The following ETV5 variants were observed in gnomAD, a reference collection of about 807,000 sequenced individuals.
ETV5 encodes the protein ETS variant transcription factor 5, also known as ETS translocation variant 5.
ETV5 carries 10 observed loss-of-function variants against 70.0 expected under a neutral mutation model. The ratio of observed to expected loss-of-function variants is 0.14; its 90% CI spans 0.09 to 0.24. The LOEUF (loss-of-function observed/expected upper bound fraction) is 0.24, where lower values mean the gene tolerates loss of function less well. ETV5 is among the 10% of genes least tolerant of loss of function. The pLI is 1.00. For synonymous variants in ETV5, 216 were observed against 242.2 expected (o/e 0.89, Z 1.01); for missense variants, 453 against 651.2 (o/e 0.70, Z 3.31).
chr3:186,101,400 G>A (rs542750616), intron 5 of ETV5, among the ~76,000 whole-genome samples: 1 of 152,214 alleles, frequency 6.6e-6, no homozygotes, highest in African/African-American at 2.4e-5. Flanking sequence ...AGATCCTCCC[G>A]ACTTGGCCTC....
chr3:186,060,896 C>G (rs1713287326), intron 9 of ETV5, among the ~76,000 whole-genome samples: 1 of 152,218 alleles, frequency 6.6e-6, no homozygotes, highest in African/African-American at 2.4e-5. Context: ...CCCACTCCCT[C>G]CTAGTTTGCC....
intron 5 of ETV5, among the ~76,000 whole-genome samples, chr3:186,086,034 C>T (rs1218255464): frequency 6.6e-6 from 1 of 152,182 alleles, no homozygotes; most frequent in Non-Finnish European, 1.5e-5. Context: ...CCTGCAATTG[C>T]TTCTGGACAA....
chr3:186,072,962 C>A (rs1713679870), intron 7 of ETV5, among the ~76,000 whole-genome samples: 1 of 152,076 alleles, frequency 6.6e-6, no homozygotes. Flanking sequence ...TAATATCCCA[C>A]CTCTACTGAA....
At position 186,073,360 on chromosome 3, in the gene ETV5, C is replaced by T. The variant is rs150780503; in HGVS notation, c.650+6457G>A. On this transcript the variant is annotated intron_variant, in intron 7 of 12. Coordinates refer to ENST00000306376, the MANE Select transcript of ETV5 (RefSeq NM_004454.3). ...CATTTACTGAACACCTCTGTCCAAG[C>T]GTGATTTTATTTAATCTACCCAACG... Among the ~76,000 whole-genome samples the T allele has an allele frequency of 2.7e-3, 405 of 152,234 alleles. 2 individuals are homozygous for T. Among genetic ancestry groups the T allele is most frequent in the African/African-American group, 9.4e-3 (391 of 41,510 alleles).
At chr3:186,088,937 T>C (rs1474741203) in intron 5 of ETV5, among the ~76,000 whole-genome samples, 2 of 152,244 alleles carry the variant, frequency 1.3e-5, no homozygotes, top group African/African-American at 2.4e-5. Context: ...AGACTTATTT[T>C]TTAAGTTCTA....
At position 186,057,507 on chromosome 3, in the gene ETV5, A is replaced by G. The variant is rs1181072481; in HGVS notation, c.971-16T>C. The G allele has an allele frequency of 1.9e-6, 3 of 1,601,130 alleles. No individual in the cohort carries two copies. The highest frequency in any genetic ancestry group is 2.6e-6 in the Non-Finnish European group (3 of 1,168,342). On this transcript the variant is annotated splice_polypyrimidine_tract_variant and intron_variant, in intron 9 of 12. Transcript: ENST00000306376. The surrounding 1 kb of genome is among the most constrained non-coding windows in gnomAD (Gnocchi z 4.9). Reference sequence around the variant, plus strand: ...TATGAAAAACCTGAAAGAGAATTTAAAAGAAAGACTACGTTGCTTAACAAA... The same window carrying G: ...TATGAAAAACCTGAAAGAGAATTTAGAAGAAAGACTACGTTGCTTAACAAA...
chr3:186,062,629 A>T (rs61302198), intron 9 of ETV5, among the ~76,000 whole-genome samples: 11,881 of 152,200 alleles, frequency 0.078, 822 homozygotes, highest in African/African-American at 0.19. Flanking sequence ...CAAAAAGACA[A>T]AACAAAACCA....
At chr3:186,053,361 C>T (rs1443043827) in intron 11 of ETV5, among the ~76,000 whole-genome samples, 5 of 152,168 alleles carry the variant, frequency 3.3e-5, no homozygotes, top group African/African-American at 7.2e-5. Flanking sequence ...CTCAGCCTCC[C>T]GAAGTGCTGG....
At chr3:186,049,936 C>T (rs1712984998) in intron 12 of ETV5, among the ~76,000 whole-genome samples, 1 of 152,090 alleles carries the variant, frequency 6.6e-6, no homozygotes, top group Admixed American at 6.6e-5. Flanking sequence ...GAGTCTTAAC[C>T]TCTGTGAACC....
rs189145131 is a variant in ETV5 at position 186,049,075 on chromosome 3, G to A, written c.1312-215C>T. On this transcript the variant is annotated intron_variant, in intron 12 of 12. Coordinates refer to ENST00000306376, the MANE Select transcript of ETV5 (RefSeq NM_004454.3). The stretch of plus-strand genomic sequence containing the variant: ...TTAAAAAAGAAGATATCTGAATTTC[G>A]AATTCACACTAGATGGACTCTTAAA... Among the ~76,000 whole-genome samples, 142 of 152,216 alleles carry A rather than the reference G, an allele frequency of 9.3e-4. 1 individual carries two copies. Among genetic ancestry groups the A allele is most frequent in the South Asian group, 2.3e-3 (11 of 4,818 alleles).
At position 186,057,190 on chromosome 3, in the gene ETV5, C is replaced by T. The variant is rs1233658032; in HGVS notation, c.1094G>A (p.Arg365Gln). 5.0e-6 allele frequency: 8 copies of T among 1,614,032 alleles called. No individual in the cohort carries two copies. The highest frequency in any genetic ancestry group is 6.8e-6 in the Non-Finnish European group (8 of 1,180,016). ...MYREGPPYQR[R>Q]GSLQLWQFLV... ...GAACTGCCACAGCTGAAGGGAACCT[C>T]GCCTCTGGTAAGGGGGCCCCTCTCG... The change falls in exon 11 of 13, where the codon CGA (arginine) becomes CAA (glutamine). Residue 365 changes from arginine to glutamine, a missense_variant. Transcript: ENST00000306376. This position sits in a 1 kb window ranked among gnomAD's most constrained non-coding sequence, Gnocchi z 4.9.
chr3:186,085,388 C>A (rs747158250), intron 5 of ETV5, among the ~76,000 whole-genome samples: 18 of 152,112 alleles, frequency 1.2e-4, no homozygotes, highest in Admixed American at 2.6e-4. Flanking sequence ...ACACGTCATA[C>A]CCCTAAATCC....
chr3:186,079,535 C>T (rs2150149111), intron 7 of ETV5, among the ~76,000 whole-genome samples: 1 of 152,294 alleles, frequency 6.6e-6, no homozygotes, highest in South Asian at 2.1e-4. Flanking sequence ...CCTGGCAAGT[C>T]ATTCTTCCTC....
At position 186,079,849 on chromosome 3, in the gene ETV5, C is replaced by T. The variant is rs1239539716; in HGVS notation, c.618G>A (p.Met206Ile). 1 of 1,608,114 alleles carries T rather than the reference C, an allele frequency of 6.2e-7. No individual in the cohort carries two copies. The highest frequency in any genetic ancestry group is 2.3e-5 in the East Asian group (1 of 44,418). The part of the protein sequence containing the change: ...PPHQPLQMPK[M>I]MPENQYPSEQ... ...CTGATGGATACTGGTTTTCAGGCATCATCTTTGGCATCTGCAGGGGCTGAT... is the reference window on the plus strand; with the variant it reads ...CTGATGGATACTGGTTTTCAGGCATTATCTTTGGCATCTGCAGGGGCTGAT... The change falls in exon 7 of 13, where the codon ATG (methionine) becomes ATA (isoleucine). Residue 206 changes from methionine (M) to isoleucine (I), a missense_variant. Physicochemically the swap from Met to Ile is conservative, Grantham distance 10. Coordinates refer to ENST00000306376, the MANE Select transcript of ETV5 (RefSeq NM_004454.3).
At chr3:186,079,267 A>G (rs916042423) in intron 7 of ETV5, 4 of 241,240 alleles carry the variant, frequency 1.7e-5, no homozygotes, top group African/African-American at 6.6e-5. Context: ...TGATGCCTCA[A>G]TGCCTGTAGA....
intron 6 of ETV5, chr3:186,080,413 A>C: frequency 6.5e-6 from 1 of 154,150 alleles, no homozygotes; most frequent in East Asian, 1.7e-4. Flanking sequence ...TGGGTGGGTG[A>C]GGGGAGAATG....
chr3:186,072,616 A>G (rs1012756484), intron 7 of ETV5, among the ~76,000 whole-genome samples: 2 of 152,316 alleles, frequency 1.3e-5, no homozygotes, highest in South Asian at 4.1e-4. Flanking sequence ...ACGTACACCA[A>G]AGAACTCTGA....
intron 5 of ETV5, among the ~76,000 whole-genome samples, chr3:186,086,142 T>C (rs1714053835): frequency 6.6e-6 from 1 of 152,186 alleles, no homozygotes; most frequent in Non-Finnish European, 1.5e-5. Flanking sequence ...TGCACAAATA[T>C]ATATGACAGT....
chr3:186,059,450 T>G (rs1011492810), intron 9 of ETV5, among the ~76,000 whole-genome samples: 6 of 152,190 alleles, frequency 3.9e-5, no homozygotes, highest in Non-Finnish European at 7.3e-5. Context: ...AGAGGTGGCA[T>G]AGTACTGATG....
Sources: gnomAD v4.1 joint callset for allele counts (sites outside exome capture counted in the v4.1 genomes callset) on GRCh38, gnomAD v4.1.1 for gene constraint, Gnocchi (gnomAD v3.1) non-coding constraint, MANE v1.5 for transcripts, NCBI Gene and HGNC (gene_info 2026-07-23, HGNC 2026-07-21) for gene names.